GRIP1: variants seen among roughly 807,000 people sequenced by gnomAD.
GRIP1 encodes glutamate receptor-interacting protein 1.
Under a neutral mutation model 129.9 loss-of-function variants are expected in GRIP1, and 45 were observed. The ratio of observed to expected loss-of-function variants is 0.35; its 90% CI spans 0.27 to 0.44. The LOEUF is 0.44. Ranked by LOEUF, GRIP1 falls within the 20% of genes least tolerant of loss-of-function variation. The pLI is 1.00. For missense variants in GRIP1, 1,196 were observed against 1,396.8 expected (o/e 0.86, Z 2.29); for synonymous variants, 530 against 520.8 (o/e 1.02, Z -0.24).
Position 66,420,747 on chromosome 12 carries a change from T to C in GRIP1, c.1811A>G (p.Asp604Gly). 1 of 1,587,120 alleles carries C rather than the reference T, an allele frequency of 6.3e-7. No individual in the cohort carries two copies. Among genetic ancestry groups the C allele is most frequent in the Non-Finnish European group, 8.7e-7 (1 of 1,155,160 alleles). ...RKPGDPLVIS[D>G]IKKGSVAHRT... ...GTGTGCCACACTCCCTTTCTTGATA[T>C]CTGAAATGACGAGGGGGTCTCCTGG... Residue 604 changes from aspartate (D) to glycine (G), a missense_variant, in exon 15 of 25, where the codon GAT becomes GGT. Around this residue, in one of 5 missense-constraint regions of GRIP1, gnomAD observed 508 missense variants for 587.0 expected, o/e 0.87. Coordinates refer to ENST00000359742, the MANE Select transcript of GRIP1 (RefSeq NM_001366722.1).
intron 1 of GRIP1, among the ~76,000 whole-genome samples, chr12:67,014,361 C>T (rs950812883): frequency 6.6e-6 from 1 of 151,970 alleles, no homozygotes; most frequent in African/African-American, 2.4e-5. Flanking sequence ...CTGGTGGGGG[C>T]TAAGGGGATG....
intron 7 of GRIP1, among the ~76,000 whole-genome samples, chr12:66,505,305 G>A (rs2060498025): frequency 6.6e-6 from 1 of 152,132 alleles, no homozygotes; most frequent in Admixed American, 6.6e-5. Flanking sequence ...AAGAAATGTG[G>A]GTGGTTTCTA....
chr12:66,684,614 G>A (rs1396259812), intron 1 of GRIP1, among the ~76,000 whole-genome samples: 1 of 152,174 alleles, frequency 6.6e-6, no homozygotes, highest in Non-Finnish European at 1.5e-5. Flanking sequence ...GGAGGCCGAG[G>A]TGGGCAGATC....
intron 1 of GRIP1, among the ~76,000 whole-genome samples, chr12:66,863,094 G>T (rs1441603913): frequency 6.6e-6 from 1 of 151,952 alleles, no homozygotes; most frequent in Non-Finnish European, 1.5e-5. Context: ...ATATGGCTTT[G>T]CCCACTTAAA....
At chr12:66,536,550 A>G (rs973235450) in intron 4 of GRIP1, among the ~76,000 whole-genome samples, 7 of 152,112 alleles carry the variant, frequency 4.6e-5, no homozygotes, top group Admixed American at 4.6e-4. Context: ...AGAAATCCAT[A>G]CAACCAACTC....
chr12:66,760,688 C>T (rs996211862), intron 1 of GRIP1, among the ~76,000 whole-genome samples: 1 of 152,168 alleles, frequency 6.6e-6, no homozygotes, highest in East Asian at 1.9e-4. Flanking sequence ...CAGCCAAACC[C>T]TATCACAAGA....
intron 1 of GRIP1, among the ~76,000 whole-genome samples, chr12:66,908,174 C>T (rs976527809): frequency 6.6e-6 from 1 of 151,842 alleles, no homozygotes; most frequent in Non-Finnish European, 1.5e-5. Context: ...TAGTCTTGGC[C>T]GAAAATACAG....
At chr12:66,657,481 C>T (rs1008879565) in intron 1 of GRIP1, among the ~76,000 whole-genome samples, 1 of 152,128 alleles carries the variant, frequency 6.6e-6, no homozygotes, top group Non-Finnish European at 1.5e-5. Flanking sequence ...CTAAACTGAG[C>T]CTCTATTCAA....
At chr12:66,363,174 T>C (rs12371325) in intron 23 of GRIP1, among the ~76,000 whole-genome samples, 8 of 37,102 alleles carry the variant, frequency 2.2e-4, no homozygotes, top group Non-Finnish European at 2.9e-4. Flanking sequence ...TACACACACA[T>C]ATATGTATAT....
chr12:66,418,045 G>A (rs1164387416), intron 15 of GRIP1, among the ~76,000 whole-genome samples: 1 of 151,932 alleles, frequency 6.6e-6, no homozygotes, highest in African/African-American at 2.4e-5. Context: ...TTATACTACA[G>A]AGCTAAAGTA....
At chr12:66,583,441 A>G (rs978894225) in intron 2 of GRIP1, among the ~76,000 whole-genome samples, 1 of 139,226 alleles carries the variant, frequency 7.2e-6, no homozygotes, top group Non-Finnish European at 1.6e-5. Flanking sequence ...TCTGCACAGC[A>G]AAAGAAACTA....
intron 9 of GRIP1, among the ~76,000 whole-genome samples, chr12:66,460,594 G>T (rs558056721): frequency 1.3e-5 from 2 of 152,266 alleles, no homozygotes; most frequent in Non-Finnish European, 2.9e-5. Context: ...CTTTAATGCT[G>T]CTATTTATCA....
intron 1 of GRIP1, among the ~76,000 whole-genome samples, chr12:66,858,234 G>T (rs2040041012): frequency 6.6e-6 from 1 of 151,788 alleles, no homozygotes; most frequent in South Asian, 2.1e-4. Context: ...TTTTCCAAAT[G>T]GTCTGTATGC....
intron 1 of GRIP1, among the ~76,000 whole-genome samples, chr12:66,784,473 G>C (rs900085314): frequency 6.6e-6 from 1 of 152,114 alleles, no homozygotes; most frequent in South Asian, 2.1e-4. Context: ...GAGTTAGTTA[G>C]CTTAACAGTT....
chr12:66,936,984 C>T (rs1439719008), intron 1 of GRIP1, among the ~76,000 whole-genome samples: 1 of 152,168 alleles, frequency 6.6e-6, no homozygotes, highest in Non-Finnish European at 1.5e-5. Context: ...CTGCCATTTC[C>T]TGTTTTATTA....
intron 1 of GRIP1, among the ~76,000 whole-genome samples, chr12:66,738,609 T>C (rs1251704478): frequency 3.9e-5 from 6 of 151,998 alleles, no homozygotes; most frequent in Non-Finnish European, 7.4e-5. Context: ...ATTGTTGGTT[T>C]TGAGAGATTG....
At chr12:66,779,931 T>C (rs913783416) in intron 1 of GRIP1, among the ~76,000 whole-genome samples, 2 of 152,174 alleles carry the variant, frequency 1.3e-5, no homozygotes, top group Admixed American at 1.3e-4. Flanking sequence ...AGGAAGTACA[T>C]TCCAATTGAA....
chr12:66,398,745 TG>T (rs2056882252), intron 16 of GRIP1, among the ~76,000 whole-genome samples: 1 of 152,026 alleles, frequency 6.6e-6, no homozygotes, highest in Admixed American at 6.5e-5. Context: ...CAGGTATGAT[TG>T]AGATTTGGAG....
At chr12:66,360,680 A>G (rs1325414491) in intron 23 of GRIP1, among the ~76,000 whole-genome samples, 3 of 152,202 alleles carry the variant, frequency 2.0e-5, no homozygotes, top group Non-Finnish European at 4.4e-5. Context: ...CTTGTTTTAT[A>G]TTTCTAAGCA....
Sources: gnomAD v4.1 joint callset for allele counts (sites outside exome capture counted in the v4.1 genomes callset) on GRCh38, gnomAD v4.1.1 for gene constraint, gnomAD v4.1.1 regional missense constraint, MANE v1.5 for transcripts, NCBI Gene and HGNC (gene_info 2026-07-23, HGNC 2026-07-21) for gene names.